Variants in ZNF385B observed in about 807,000 individuals in gnomAD.
The protein encoded by ZNF385B is zinc finger protein 533.
A neutral mutation model predicts 39.2 loss-of-function variants in ZNF385B; 23 were observed. The ratio of observed to expected loss-of-function variants is 0.59; its 90% CI spans 0.42 to 0.83. The LOEUF (loss-of-function observed/expected upper bound fraction) is 0.83. Ranked by LOEUF, ZNF385B falls within the 40% of genes least tolerant of loss-of-function variation. ZNF385B has a pLI of 0.00. For missense variants in ZNF385B, 552 were observed against 598.9 expected, an observed-to-expected ratio of 0.92 and a Z score of 0.82; for synonymous variants, 205 against 222.6, an observed-to-expected ratio of 0.92 and a Z score of 0.70.
At chr2:179,722,869 A>G (rs1700780655) in intron 3 of ZNF385B, among the ~76,000 whole-genome samples, 1 of 152,172 alleles carries the variant, frequency 6.6e-6, no homozygotes, top group Admixed American at 6.6e-5. Flanking sequence ...ATTTTTTTAA[A>G]TTAGTGATTC....
chr2:179,503,435 CA>C (rs1377048102), intron 5 of ZNF385B, among the ~76,000 whole-genome samples: 1 of 152,176 alleles, frequency 6.6e-6, no homozygotes, highest in African/African-American at 2.4e-5. Context: ...AAAACTAATG[CA>C]AAAGACAATT....
At chr2:179,805,513 AATTAT>A (rs1429033017) in intron 1 of ZNF385B, among the ~76,000 whole-genome samples, 5 of 152,182 alleles carry the variant, frequency 3.3e-5, no homozygotes, top group African/African-American at 1.2e-4. Flanking sequence ...TAACTTAACA[AATTAT>A]ATTATTATAA....
chr2:179,758,720 G>T (rs184606529), intron 3 of ZNF385B, among the ~76,000 whole-genome samples: 2 of 152,252 alleles, frequency 1.3e-5, no homozygotes, highest in Admixed American at 1.3e-4. Context: ...GGGTCTACTG[G>T]TAAGAATTAT....
chr2:179,566,929 T>C (rs1422908235), intron 3 of ZNF385B, among the ~76,000 whole-genome samples: 11 of 149,758 alleles, frequency 7.3e-5, no homozygotes, highest in Non-Finnish European at 1.6e-4. Context: ...TTTTTTTTTT[T>C]TTTGAGACGG....
chr2:179,617,159 G>T (rs1003759271), intron 3 of ZNF385B, among the ~76,000 whole-genome samples: 1 of 152,146 alleles, frequency 6.6e-6, no homozygotes, highest in African/African-American at 2.4e-5. Flanking sequence ...GTTTGTCTTG[G>T]ATATAATTAA....
intron 1 of ZNF385B, among the ~76,000 whole-genome samples, chr2:179,828,158 T>C (rs1445314547): frequency 6.6e-6 from 1 of 152,234 alleles, no homozygotes; most frequent in Non-Finnish European, 1.5e-5. Context: ...TAAATGATGC[T>C]GCTATGAACA....
chr2:179,615,697 A>G (rs1410324289), intron 3 of ZNF385B, among the ~76,000 whole-genome samples: 2 of 152,206 alleles, frequency 1.3e-5, no homozygotes, highest in Admixed American at 1.3e-4. Context: ...GGCTTGAACT[A>G]TGGCTCTGTA....
chr2:179,798,545 C>T (rs1316366638), intron 1 of ZNF385B, among the ~76,000 whole-genome samples: 1 of 152,082 alleles, frequency 6.6e-6, no homozygotes, highest in Non-Finnish European at 1.5e-5. Context: ...TTCTCCAATG[C>T]CCAAAATTCC....
chr2:179,757,256 C>T (rs1033328040), intron 3 of ZNF385B, among the ~76,000 whole-genome samples: 4 of 152,224 alleles, frequency 2.6e-5, no homozygotes, highest in African/African-American at 9.6e-5. Flanking sequence ...TGGGTATCAG[C>T]AGCGGAGGCT....
At chr2:179,488,981 A>C (rs74482318) in intron 5 of ZNF385B, among the ~76,000 whole-genome samples, 1 of 152,028 alleles carries the variant, frequency 6.6e-6, no homozygotes, top group African/African-American at 2.4e-5. Context: ...CAAGCATACA[A>C]ATAACTATAA....
chr2:179,742,909 CA>C (rs764408972), intron 3 of ZNF385B, among the ~76,000 whole-genome samples: 2 of 151,986 alleles, frequency 1.3e-5, no homozygotes. Flanking sequence ...AAGATGCAGG[CA>C]AATCACTGAG....
chr2:179,510,296 TG>T (rs1436050920), intron 5 of ZNF385B, among the ~76,000 whole-genome samples: 20 of 68,864 alleles, frequency 2.9e-4, no homozygotes, highest in African/African-American at 6.3e-4. Flanking sequence ...TATGTGAAGC[TG>T]CTATCTATCT....
chr2:179,758,516 C>T (rs890577900), intron 3 of ZNF385B, among the ~76,000 whole-genome samples: 2 of 152,186 alleles, frequency 1.3e-5, no homozygotes, highest in Non-Finnish European at 2.9e-5. Context: ...AAAGGCACCA[C>T]CTCTTAATAC....
chr2:179,651,138 AT>A (rs11339594), intron 3 of ZNF385B, among the ~76,000 whole-genome samples: 20,164 of 148,928 alleles, frequency 0.14, 2,143 homozygotes, highest in African/African-American at 0.29. Context: ...TTCTCCCAAG[AT>A]TTTTTTTTTT....
chr2:179,705,022 T>C (rs1263731283), intron 3 of ZNF385B, among the ~76,000 whole-genome samples: 4 of 152,290 alleles, frequency 2.6e-5, no homozygotes, highest in Non-Finnish European at 4.4e-5. Flanking sequence ...CCCCTTTTTT[T>C]CCCCTGGCCT....
chr2:179,709,875 C>G (rs1297671570), intron 3 of ZNF385B, among the ~76,000 whole-genome samples: 1 of 152,164 alleles, frequency 6.6e-6, no homozygotes, highest in Non-Finnish European at 1.5e-5. Context: ...CTACTGCAGG[C>G]ATATCCCAGC....
chr2:179,493,778 T>TAC (rs1245337264), intron 5 of ZNF385B, among the ~76,000 whole-genome samples: 7 of 98,816 alleles, frequency 7.1e-5, no homozygotes, highest in East Asian at 6.5e-4. Context: ...CATATATGTA[T>TAC]ATACACATAT....
chr2:179,754,437 C>T (rs539894912), intron 3 of ZNF385B, among the ~76,000 whole-genome samples: 10 of 152,170 alleles, frequency 6.6e-5, no homozygotes, highest in Non-Finnish European at 1.2e-4. Context: ...CAGGATAATG[C>T]TGTCCTCATA....
At chr2:179,651,532 CTATATAAAAATAAGTTTACACTG>C (rs1309174781) in intron 3 of ZNF385B, among the ~76,000 whole-genome samples, 1 of 151,270 alleles carries the variant, frequency 6.6e-6, no homozygotes, top group Non-Finnish European at 1.5e-5. Context: ...AACCAACATA[CTATATAAAAATAAGTTTACACTG>C]TTTCCCAGTT....
Sources: gnomAD v4.1 joint callset for allele counts (sites outside exome capture counted in the v4.1 genomes callset) on GRCh38, gnomAD v4.1.1 for gene constraint, MANE v1.5 for transcripts, NCBI Gene and HGNC (gene_info 2026-07-23, HGNC 2026-07-21) for gene names.